Variants in FAM217A observed in about 807,000 individuals in gnomAD.
The protein encoded by FAM217A is family with sequence similarity 217 member A.
In FAM217A, 13 loss-of-function variants were observed where a neutral mutation model predicts 18.5. The observed-to-expected ratio is 0.70, with a 90% CI of 0.46 to 1.12. The LOEUF is 1.12. Among genes scored for constraint, FAM217A ranks in the 50% most tolerant of loss-of-function variants. The pLI is 0.00. For synonymous variants in FAM217A, 161 were observed against 202.8 expected, an observed-to-expected ratio of 0.79 and a Z score of 1.75; for missense variants, 560 against 575.4, an observed-to-expected ratio of 0.97 and a Z score of 0.27.
At chr6:4,086,285 A>G (rs1026229365) in intron 1 of FAM217A, among the ~76,000 whole-genome samples, 1 of 151,970 alleles carries the variant, frequency 6.6e-6, no homozygotes, top group Non-Finnish European at 1.5e-5. Flanking sequence ...TGTCTCTACT[A>G]AAAATACAAA....
chr6:4,082,822 T>C (rs1269112302), upstream of FAM217A, among the ~76,000 whole-genome samples: 1 of 152,264 alleles, frequency 6.6e-6, no homozygotes, highest in Non-Finnish European at 1.5e-5. Flanking sequence ...AAACACATGC[T>C]AAATAAACGT....
chr6:4,077,243 G>C, intron 2 of FAM217A, 112 bp downstream of exon 2: 1 of 1,002,648 alleles, frequency 1.0e-6, no homozygotes, highest in Non-Finnish European at 1.5e-6. Flanking sequence ...AGGATAAACT[G>C]CCCACGATGC....
At chr6:4,082,480 CT>C, upstream of FAM217A, among the ~76,000 whole-genome samples, 1 of 152,294 alleles carries the variant, frequency 6.6e-6, no homozygotes, top group Middle Eastern at 3.4e-3. Context: ...AATCAGAATG[CT>C]TTTTTCCCAA....
chr6:4,085,901 G>A (rs1770624721), intron 1 of FAM217A, among the ~76,000 whole-genome samples: 1 of 152,136 alleles, frequency 6.6e-6, no homozygotes, highest in South Asian at 2.1e-4. Context: ...CTTGAGGTCA[G>A]GAGTTTGAGA....
In FAM217A at chr6:4,068,709, A is replaced by G. The variant is rs751042959; in HGVS notation, c.1514T>C (p.Ile505Thr). 1.3e-5 allele frequency: 21 copies of G among 1,595,116 alleles called. No homozygotes were observed. The highest frequency in any genetic ancestry group is 2.2e-5 in the East Asian group (1 of 44,736). Reference sequence around the variant, plus strand: ...GAAAGAAAAGAGTTATTTTTGTTCAATGGGTGAGCAGCACTTATCCTTAGC... The same window carrying G: ...GAAAGAAAAGAGTTATTTTTGTTCAGTGGGTGAGCAGCACTTATCCTTAGC... ...LIAKDKCCSP[I>T]EQK The change falls in exon 7 of 7, where the codon ATT becomes ACT. Residue 505 changes from isoleucine to threonine, a missense_variant. Ile to Thr is a moderately conservative substitution (Grantham distance 89, BLOSUM62 -1). Coordinates refer to ENST00000274673, the MANE Select transcript of FAM217A (RefSeq NM_173563.3).
At position 4,069,219 on chromosome 6, in the gene FAM217A, A is replaced by C; in HGVS notation, c.1004T>G (p.Leu335Arg). ...TATCTGAAGACTCAAAGAGTCGCAA[A>C]GTTTTGGCTGTCTCACTTTTGGTGT... ...KATPKVRQPK[L>R]CDSLSLQIPC... Residue 335 changes from leucine to arginine, a missense_variant, in exon 7 of 7, where the codon CTT becomes CGT. Coordinates refer to ENST00000274673, the MANE Select transcript of FAM217A (RefSeq NM_173563.3). The C allele has an allele frequency of 6.2e-7, 1 of 1,614,184 alleles. No homozygotes were observed. The highest frequency in any genetic ancestry group is 8.5e-7 in the Non-Finnish European group (1 of 1,180,030).
upstream of FAM217A, among the ~76,000 whole-genome samples, chr6:4,079,854 T>G (rs886157412): frequency 1.3e-5 from 2 of 152,166 alleles, no homozygotes; most frequent in African/African-American, 2.4e-5. Flanking sequence ...AAAAGATGAT[T>G]TTTTTTCTTT....
chr6:4,078,212 C>T (rs987267303), intron 1 of FAM217A, among the ~76,000 whole-genome samples: 4 of 151,946 alleles, frequency 2.6e-5, no homozygotes, highest in Non-Finnish European at 5.9e-5. Flanking sequence ...CACCACTACG[C>T]CCAGCTAATT....
At position 4,074,727 on chromosome 6, in the gene FAM217A, CAT is replaced by C. The variant is rs769105607; in HGVS notation, c.61-68_61-67del. On this transcript the variant is annotated intron_variant, in intron 2 of 6. Coordinates refer to ENST00000274673, the MANE Select transcript of FAM217A (RefSeq NM_173563.3). ...AAACATAAAAAGCTCAATAATTTCA[CAT>C]GTTCTTGGGGTAAAGTATGACGAAA... The C allele has an allele frequency of 5.8e-5, 71 of 1,224,326 alleles. 2 individuals carry two copies. In the South Asian group the frequency reaches 8.1e-4, roughly 14 times the overall value. The allele number at this position is 1,224,326 out of a possible 1,614,324, so 75.8% of individuals were successfully genotyped here. A position where few individuals can be genotyped will look rare whatever the true frequency, so the allele number is the denominator to read the frequency against.
chr6:4,069,195 A>T lies in FAM217A; in HGVS notation c.1028T>A (p.Ile343Lys), dbSNP rs1769226050. Residue 343 changes from isoleucine (I) to lysine (K), a missense_variant, in exon 7 of 7, where the codon ATA (isoleucine) becomes AAA (lysine). Ile to Lys is a moderately radical substitution (Grantham distance 102). Transcript: ENST00000274673. ...PKLCDSLSLQ[I>K]PCVDKSQEKS... Reference sequence around the variant, plus strand: ...TTCTTGACTTTTATCTACACAAGGTATCTGAAGACTCAAAGAGTCGCAAAG... The same window carrying T: ...TTCTTGACTTTTATCTACACAAGGTTTCTGAAGACTCAAAGAGTCGCAAAG... The T allele has an allele frequency of 1.2e-6, 2 of 1,614,142 alleles. No individual in the cohort carries two copies. The highest frequency in any genetic ancestry group is 8.5e-7 in the Non-Finnish European group (1 of 1,180,024).
At chr6:4,076,618 C>T (rs652980) in intron 2 of FAM217A, among the ~76,000 whole-genome samples, 24,353 of 151,538 alleles carry the variant, frequency 0.16, 2,212 homozygotes, top group African/African-American at 0.23. Context: ...GTAGCTCACA[C>T]CTGTAATCCC....
intron 6 of FAM217A, among the ~76,000 whole-genome samples, chr6:4,072,840 C>T (rs76911747): frequency 0.026 from 3,969 of 152,126 alleles, 178 homozygotes; most frequent in African/African-American, 0.091. Flanking sequence ...TATTGTGTGA[C>T]TTTGAGCAAG....
chr6:4,071,574 G>A (rs777696960), intron 6 of FAM217A, among the ~76,000 whole-genome samples: 60 of 152,124 alleles, frequency 3.9e-4, no homozygotes, highest in Non-Finnish European at 7.5e-4. Flanking sequence ...GGTCCTAACC[G>A]CTGCATTCTA....
chr6:4,074,326 A>G, intron 4 of FAM217A, 117 bp downstream of exon 4: 2 of 766,854 alleles, frequency 2.6e-6, no homozygotes, highest in Non-Finnish European at 4.1e-6. Flanking sequence ...TGTGTGAAGA[A>G]CTCTACAGAA....
chr6:4,078,037 T>C (rs1769957485), intron 1 of FAM217A, among the ~76,000 whole-genome samples: 1 of 148,670 alleles, frequency 6.7e-6, no homozygotes, highest in Non-Finnish European at 1.5e-5. Context: ...TATGGCTATC[T>C]GGAAAGAATC....
chr6:4,084,999 C>G (rs757540303), intron 1 of FAM217A, among the ~76,000 whole-genome samples: 1 of 151,962 alleles, frequency 6.6e-6, no homozygotes, highest in Non-Finnish European at 1.5e-5. Context: ...AAAAAACTTG[C>G]GAGAAAATAA....
At chr6:4,074,400 C>T (rs590675) in intron 4 of FAM217A, 43 bp downstream of exon 4, 21 of 1,492,490 alleles carry the variant, frequency 1.4e-5, no homozygotes, top group South Asian at 7.5e-5. Flanking sequence ...ATTTTAAAAT[C>T]GTATGTTTTA....
chr6:4,069,962 A>T (rs1232164654), intron 6 of FAM217A, 42 bp from the exon 7 acceptor site: 5 of 1,355,038 alleles, frequency 3.7e-6, no homozygotes, highest in Non-Finnish European at 5.0e-6. Flanking sequence ...TATTGACTAG[A>T]ATTAAAATGC....
chr6:4,069,280 G>T lies in FAM217A; in HGVS notation c.943C>A (p.Pro315Thr), dbSNP rs1182106659. 3 of 1,614,196 alleles carry T rather than the reference G, an allele frequency of 1.9e-6. No homozygotes were observed. In the Admixed American group the frequency reaches 5.0e-5, roughly 27 times the overall value. Reference protein sequence around the residue: ...RPRLQTTFCTPAVTERPSSSK... With the variant: ...RPRLQTTFCTTAVTERPSSSK... Reference sequence around the variant, plus strand: ...GAAGAGGGTCGTTCAGTAACTGCTGGAGTACAGAAAGTCGTTTGTAGTCTT... The same window carrying T: ...GAAGAGGGTCGTTCAGTAACTGCTGTAGTACAGAAAGTCGTTTGTAGTCTT... The change falls in exon 7 of 7, where the codon CCA (proline) becomes ACA (threonine). Residue 315 changes from proline (P) to threonine (T), a missense_variant. Physicochemically the swap from Pro to Thr is conservative, Grantham distance 38. Transcript: ENST00000274673.
Sources: gnomAD v4.1 joint callset for allele counts (sites outside exome capture counted in the v4.1 genomes callset) on GRCh38, gnomAD v4.1.1 for gene constraint, MANE v1.5 for transcripts, NCBI Gene and HGNC (gene_info 2026-07-23, HGNC 2026-07-21) for gene names.